MAML2: variants seen among roughly 807,000 people sequenced by gnomAD.
MAML2 encodes the protein mastermind-like protein 2.
MAML2 carries 22 observed loss-of-function variants against 96.1 expected under a neutral mutation model. That is an observed-to-expected ratio of 0.23 (90% confidence interval 0.16 to 0.33). The LOEUF is 0.33. Ranked by LOEUF, MAML2 falls within the 10% of genes least tolerant of loss-of-function variation. The probability of loss-of-function intolerance (pLI) is 1.00; values close to 1 mark genes in which losing one functional copy is unlikely to be tolerated. For missense variants in MAML2, 1,367 were observed against 1,392.4 expected, an observed-to-expected ratio of 0.98 and a Z score of 0.29; for synonymous variants, 561 against 521.3, an observed-to-expected ratio of 1.08 and a Z score of -1.04.
At chr11:96,267,933 T>G (rs1862853658) in intron 1 of MAML2, among the ~76,000 whole-genome samples, 1 of 152,228 alleles carries the variant, frequency 6.6e-6, no homozygotes, top group Admixed American at 6.5e-5. Flanking sequence ...CTCAGCAGTT[T>G]CTTTTATAGG....
chr11:96,137,846 T>C (rs966200038), intron 1 of MAML2, among the ~76,000 whole-genome samples: 7 of 152,220 alleles, frequency 4.6e-5, no homozygotes, highest in Non-Finnish European at 7.3e-5. Context: ...TTCCTAAGAC[T>C]GTTATTTTTT....
intron 1 of MAML2, among the ~76,000 whole-genome samples, chr11:96,297,226 A>G (rs944678201): frequency 2.6e-5 from 4 of 152,192 alleles, no homozygotes; most frequent in African/African-American, 9.7e-5. Flanking sequence ...TTAAAATTTA[A>G]TTAATTCAAA....
At chr11:96,165,778 A>G (rs1861179807) in intron 1 of MAML2, among the ~76,000 whole-genome samples, 1 of 152,246 alleles carries the variant, frequency 6.6e-6, no homozygotes, top group African/African-American at 2.4e-5. Context: ...AACCCAGGGT[A>G]TTACAATTTT....
chr11:96,092,492 G>A lies in MAML2; in HGVS notation c.1539C>T (p.Tyr513=). The change falls in exon 2 of 5, where the codon TAC becomes TAT. Residue 513 remains tyrosine (Y), a synonymous_variant. Transcript: ENST00000524717. The surrounding 1 kb of genome is among the most constrained non-coding windows in gnomAD (Gnocchi z 4.1). ...GSGQSKVMAN[Y]MYKAGPSAQG... ...GGGCTGAGGGGCCGGCCTTGTACAT[G>A]TAGTTAGCCATTACTTTCGACTGGC... The A allele has an allele frequency of 6.2e-7, 1 of 1,603,546 alleles. No individual in the cohort carries two copies. The highest frequency in any genetic ancestry group is 8.5e-7 in the Non-Finnish European group (1 of 1,173,752).
intron 3 of MAML2, among the ~76,000 whole-genome samples, chr11:95,989,168 C>T (rs536431491): frequency 8.5e-5 from 13 of 152,330 alleles, no homozygotes; most frequent in African/African-American, 2.2e-4. Context: ...CATGAGACAA[C>T]GTCTCAATTT....
intron 1 of MAML2, among the ~76,000 whole-genome samples, chr11:96,220,997 G>A (rs1441773900): frequency 1.3e-5 from 2 of 152,148 alleles, no homozygotes; most frequent in East Asian, 3.8e-4. Flanking sequence ...TATTCAATGG[G>A]CATTTGTTGA....
At chr11:96,330,006 G>T (rs1156740153) in intron 1 of MAML2, among the ~76,000 whole-genome samples, 3 of 152,196 alleles carry the variant, frequency 2.0e-5, no homozygotes, top group African/African-American at 7.2e-5. Context: ...CAGCATAACA[G>T]TACAAAGGGA....
At chr11:96,000,554 A>C (rs895933952) in intron 2 of MAML2, among the ~76,000 whole-genome samples, 3 of 152,256 alleles carry the variant, frequency 2.0e-5, no homozygotes, top group African/African-American at 7.2e-5. Flanking sequence ...TTTCACATTA[A>C]ATTTTAAAAA....
At chr11:96,180,723 TA>T (rs1254526961) in intron 1 of MAML2, among the ~76,000 whole-genome samples, 2 of 152,118 alleles carry the variant, frequency 1.3e-5, no homozygotes, top group African/African-American at 4.8e-5. Context: ...GTTATGCAGT[TA>T]TAGGAACTGG....
At chr11:96,095,905 A>T (rs1009264666) in intron 1 of MAML2, among the ~76,000 whole-genome samples, 1 of 152,070 alleles carries the variant, frequency 6.6e-6, no homozygotes, top group African/African-American at 2.4e-5. Flanking sequence ...TCTCTGCATG[A>T]TTTGCTGACT....
At chr11:96,217,373 A>G (rs940710426) in intron 1 of MAML2, among the ~76,000 whole-genome samples, 1 of 152,236 alleles carries the variant, frequency 6.6e-6, no homozygotes, top group Non-Finnish European at 1.5e-5. Flanking sequence ...GGTGCTGTTG[A>G]TACAGTTCAC....
In MAML2 at chr11:96,166,177, T is replaced by TCTCTCTCTCA. The variant is rs530578845; in HGVS notation, c.514-72661_514-72660insTGAGAGAGAG. On this transcript the variant is annotated intron_variant, in intron 1 of 4. Coordinates refer to ENST00000524717, the MANE Select transcript of MAML2 (RefSeq NM_032427.4). The stretch of plus-strand genomic sequence containing the variant: ...CTGTCTCTCTCTCTCTCTCTCTCTC[T>TCTCTCTCTCA]CACACACACACACACACACACACAC... 3.2e-3 allele frequency among the ~76,000 whole-genome samples: 354 copies of TCTCTCTCTCA among 110,378 alleles called. 3 individuals are homozygous for TCTCTCTCTCA. Among genetic ancestry groups the TCTCTCTCTCA allele is most frequent in the Middle Eastern group, 5.2e-3 (1 of 194 alleles). The allele number at this position is 110,378 out of a possible 152,430, so 72.4% of individuals were successfully genotyped here. A position where few individuals can be genotyped will look rare whatever the true frequency, so the allele number is the denominator to read the frequency against.
chr11:96,077,822 C>A (rs1859468081), intron 2 of MAML2, among the ~76,000 whole-genome samples: 1 of 152,142 alleles, frequency 6.6e-6, no homozygotes, highest in African/African-American at 2.4e-5. Flanking sequence ...TATAGAAATA[C>A]AACTGATGAC....
intron 1 of MAML2, among the ~76,000 whole-genome samples, chr11:96,100,772 A>G (rs1262831268): frequency 7.9e-6 from 1 of 126,770 alleles, no homozygotes; most frequent in Non-Finnish European, 1.6e-5. Context: ...CTGAAACAGG[A>G]TCTGGTTCTG....
intron 2 of MAML2, among the ~76,000 whole-genome samples, chr11:96,010,415 G>A (rs1318525987): frequency 1.3e-5 from 2 of 152,156 alleles, no homozygotes; most frequent in Non-Finnish European, 2.9e-5. Flanking sequence ...ATATGTAGGG[G>A]ACACTTAACA....
intron 2 of MAML2, among the ~76,000 whole-genome samples, chr11:96,041,862 T>A (rs905861577): frequency 6.6e-6 from 1 of 152,004 alleles, no homozygotes; most frequent in African/African-American, 2.4e-5. Flanking sequence ...CAGGCTGGAG[T>A]GCAATGGCGC....
At chr11:96,339,475 C>T (rs778257938) in intron 1 of MAML2, among the ~76,000 whole-genome samples, 1 of 152,214 alleles carries the variant, frequency 6.6e-6, no homozygotes, top group African/African-American at 2.4e-5. Context: ...GGCAAACATG[C>T]CACCTTTCCT....
At chr11:96,235,314 T>C (rs1380640648) in intron 1 of MAML2, among the ~76,000 whole-genome samples, 1 of 152,226 alleles carries the variant, frequency 6.6e-6, no homozygotes, top group Admixed American at 6.5e-5. Flanking sequence ...TTTGTTTATG[T>C]ATTGTCTATG....
intron 1 of MAML2, among the ~76,000 whole-genome samples, chr11:96,110,572 G>A (rs1187662282): frequency 6.6e-6 from 1 of 152,156 alleles, no homozygotes; most frequent in Non-Finnish European, 1.5e-5. Context: ...TGCATCTGAA[G>A]CAGAAAAGAT....
Sources: allele counts gnomAD v4.1 joint callset (sites outside exome capture counted in the v4.1 genomes callset), GRCh38; gene constraint gnomAD v4.1.1; non-coding constraint Gnocchi (gnomAD v3.1); transcripts MANE v1.5; gene names NCBI Gene and HGNC (gene_info 2026-07-23, HGNC 2026-07-21).